Variants in KRI1 observed in about 807,000 individuals in gnomAD.
The protein encoded by KRI1 is KRI1 homolog, also known as protein KRI1 homolog.
KRI1 carries 83 observed loss-of-function variants against 97.0 expected under a neutral mutation model. That is an observed-to-expected ratio of 0.86 (90% CI 0.72 to 1.03). The LOEUF (loss-of-function observed/expected upper bound fraction) is 1.03. Among genes scored for constraint, KRI1 ranks in the 50% least tolerant of loss-of-function variants. The pLI is 0.00. For missense variants in KRI1, 916 were observed against 928.4 expected (o/e 0.99, Z 0.17); for synonymous variants, 371 against 363.5 (o/e 1.02, Z -0.23).
At chr19:10,565,396 C>T in intron 2 of KRI1, 1 of 506,134 alleles carries the variant, frequency 2.0e-6, no homozygotes, top group Non-Finnish European at 3.5e-6. Flanking sequence ...TTGGGCGCCC[C>T]ACGTGGCGCA....
chr19:10,557,682 C>T lies in KRI1; in HGVS notation c.1487G>A (p.Gly496Glu). 6.2e-7 allele frequency: 1 copy of T among 1,614,148 alleles called. No individual in the cohort carries two copies. Among genetic ancestry groups the T allele is most frequent in the Non-Finnish European group, 8.5e-7 (1 of 1,180,004 alleles). The change falls in exon 16 of 19, where the codon GGG becomes GAG. Residue 496 changes from glycine (G) to glutamate (E), a missense_variant and splice_region_variant. By Grantham distance (98) the Gly-to-Glu change is moderately conservative. Coordinates refer to ENST00000312962, the MANE Select transcript of KRI1 (RefSeq NM_023008.5). ...CAGGTACTCCTCGAACGTCTTGTCC[C>T]CTGCTCGAGACAGAGCCAGGCTGCT... is the stretch of plus-strand genomic sequence containing the variant. The part of the protein sequence containing the change: ...VGQEKPVFEP[G>E]DKTFEEYLDE...
rs752161333 is a variant in KRI1 at position 10,555,318 on chromosome 19, C to T, written c.1649G>A (p.Arg550Gln). 28 of 1,612,898 alleles carry T rather than the reference C, an allele frequency of 1.7e-5. No homozygotes were observed. In the Middle Eastern group the frequency reaches 6.6e-4, roughly 38 times the overall value. ...GCAGGTCTTCTTTAGGGAGCACCAC[C>T]GGTTCAGCTCCTTATCGTCAGCAGC... Reference protein sequence around the residue: ...ILAADDKELNRWCSLKKTCMY... With the variant: ...ILAADDKELNQWCSLKKTCMY... The change falls in exon 17 of 19, where the codon CGG becomes CAG. Residue 550 changes from arginine to glutamine, a missense_variant. Around this residue, in one of 3 missense-constraint regions of KRI1, gnomAD observed 672 missense variants for 667.2 expected, o/e 1.01. Coordinates refer to ENST00000312962, the MANE Select transcript of KRI1 (RefSeq NM_023008.5).
At position 10,554,080 on chromosome 19, in the gene KRI1, A is replaced by G. The variant is rs1406836534; in HGVS notation, c.1983T>C (p.Thr661=). 2.5e-6 allele frequency: 4 copies of G among 1,614,044 alleles called. No individual in the cohort carries two copies. The highest frequency in any genetic ancestry group is 2.7e-5 in the African/African-American group (2 of 74,918). Residue 661 remains threonine, a synonymous_variant, in exon 19 of 19, where the codon ACT becomes ACC. Transcript: ENST00000312962. ...TGAACTCGCATCCACCAAGCATCAC[A>G]GTGGGGCCCAGCAGCCGTGCCTTCT... ...RAKKARLLGP[T]VMLGGCEFSR... is the part of the protein sequence containing the mutation.
rs1367400105 is a variant in KRI1 at position 10,557,906 on chromosome 19, G to GC, written c.1360-12dup. ...GTAGTCGGCGTCCATCTGCCAGGAC[G>GC]CACAGGTCAGATCCCACCAGCCCCC... On this transcript the variant is annotated splice_polypyrimidine_tract_variant and intron_variant, in intron 14 of 18. Transcript: ENST00000312962. 1.2e-6 allele frequency: 2 copies of GC among 1,613,356 alleles called. No individual in the cohort carries two copies. The highest frequency in any genetic ancestry group is 1.7e-6 in the Non-Finnish European group (2 of 1,179,872).
In KRI1 at chr19:10,561,419, C is replaced by A. The variant is rs538804539; in HGVS notation, c.489-154G>T. Among the ~76,000 whole-genome samples, 219 of 152,202 alleles carry A rather than the reference C, an allele frequency of 1.4e-3. 1 individual carries two copies. Among genetic ancestry groups the A allele is most frequent in the Non-Finnish European group, 1.0e-3 (68 of 68,026 alleles). ...AAGTGATCCTCCCTCCTCTGCCCAC[C>A]AAAGCCCTGAGATTACAGGCATGAG... is the stretch of plus-strand genomic sequence containing the variant. On this transcript the variant is annotated intron_variant, in intron 6 of 18. Coordinates refer to ENST00000312962, the MANE Select transcript of KRI1 (RefSeq NM_023008.5).
chr19:10,561,911 G>A (rs1383185181), intron 4 of KRI1, 66 bp from the exon 5 acceptor site: 36 of 1,474,904 alleles, frequency 2.4e-5, no homozygotes, highest in South Asian at 4.6e-5. Flanking sequence ...ATGCCCATGC[G>A]GAGCAGCTAT....
intron 1 of KRI1, 28 bp from the exon 2 acceptor site, chr19:10,565,818 C>CT: frequency 6.5e-7 from 1 of 1,550,082 alleles, no homozygotes; most frequent in South Asian, 1.2e-5. Context: ...GATGCCCCCC[C>CT]CCAGGTCAGC....
At chr19:10,562,949 A>C (rs1289462580) in intron 3 of KRI1, 112 bp from the exon 4 acceptor site, 1 of 700,202 alleles carries the variant, frequency 1.4e-6, no homozygotes, top group East Asian at 2.5e-5. Flanking sequence ...TCCCAAATCC[A>C]CCAATTCCCA....
chr19:10,561,346 G>A (rs1916691893), intron 6 of KRI1, 81 bp from the exon 7 acceptor site: 6 of 1,303,390 alleles, frequency 4.6e-6, no homozygotes, highest in Admixed American at 3.7e-5. Flanking sequence ...ATTTTGTAGA[G>A]CTGGGGTCTC....
chr19:10,554,143 G>C lies in KRI1; in HGVS notation c.1920C>G (p.Pro640=). The change falls in exon 19 of 19, where the codon CCC becomes CCG. Residue 640 remains proline, a synonymous_variant. Coordinates refer to ENST00000312962, the MANE Select transcript of KRI1 (RefSeq NM_023008.5). ...PAQEEEAPVS[P]HKKPAPQKRR... is the part of the protein sequence containing the mutation. Reference sequence around the variant, plus strand: ...GCTTCTGGGGGGCTGGCTTCTTGTGGGGTGATACAGGGGCTTCCTCTTCCT... The same window carrying C: ...GCTTCTGGGGGGCTGGCTTCTTGTGCGGTGATACAGGGGCTTCCTCTTCCT... 1 of 1,614,090 alleles carries C rather than the reference G, an allele frequency of 6.2e-7. No individual in the cohort carries two copies. The highest frequency in any genetic ancestry group is 1.1e-5 in the South Asian group (1 of 91,084).
intron 8 of KRI1, 145 bp from the exon 9 acceptor site, chr19:10,560,593 TCTTA>T (rs1736422632): frequency 1.6e-6 from 1 of 621,556 alleles, no homozygotes. Flanking sequence ...CGAGACAGGG[TCTTA>T]CTCTGCCATC....
chr19:10,565,761 T>TGCTG lies in KRI1; in HGVS notation c.120_123dup (p.Ser42GlnfsTer19). ...TCCGACTCGGAGCTGGAGTCGCTGCTGCTGTCTCGGTCCCCGTAGCGATCC... is the reference window on the plus strand; with the variant it reads ...TCCGACTCGGAGCTGGAGTCGCTGCTGCTGGCTGTCTCGGTCCCCGTAGCGATCC... On this transcript the variant is annotated frameshift_variant, in exon 2 of 19. Transcript: ENST00000312962. LOFTEE classifies it high-confidence loss of function. 1 of 1,580,382 alleles carries TGCTG rather than the reference T, an allele frequency of 6.3e-7. No homozygotes were observed. Among genetic ancestry groups the TGCTG allele is most frequent in the Non-Finnish European group, 8.6e-7 (1 of 1,163,988 alleles).
chr19:10,565,842 C>T (rs1340297519), intron 1 of KRI1, 52 bp from the exon 2 acceptor site: 3 of 1,545,144 alleles, frequency 1.9e-6, no homozygotes, highest in African/African-American at 2.8e-5. Context: ...CGGGGCCACT[C>T]GACTCCCCAC....
At chr19:10,565,679 A>G in intron 2 of KRI1, 38 bp downstream of exon 2, 1 of 1,537,560 alleles carries the variant, frequency 6.5e-7, no homozygotes. Context: ...GGGGGCTTGG[A>G]CGCCTCCGCA....
intron 9 of KRI1, 131 bp from the exon 10 acceptor site, chr19:10,560,067 A>G (rs1916646014): frequency 1.6e-6 from 2 of 1,262,322 alleles, no homozygotes; most frequent in African/African-American, 1.5e-5. Context: ...GCACGCTGCT[A>G]TTGTCCTCAT....
At chr19:10,560,873 T>G (rs1916670531) in intron 8 of KRI1, 130 bp downstream of exon 8, 2 of 715,764 alleles carry the variant, frequency 2.8e-6, no homozygotes, top group South Asian at 3.4e-5. Flanking sequence ...CTATCCCCAT[T>G]TAAAGAGATG....
At position 10,554,232 on chromosome 19, in the gene KRI1, C is replaced by T. The variant is rs777568726; in HGVS notation, c.1831G>A (p.Gly611Ser). The T allele has an allele frequency of 8.1e-6, 13 of 1,614,040 alleles. No homozygotes were observed. Among genetic ancestry groups the T allele is most frequent in the South Asian group, 4.4e-5 (4 of 91,086 alleles). ...AGGGCTGGCAGCTGCCTCTGTGGGCCGGCTTCATCTCTCTGTGGCTTCCCT... is the reference window on the plus strand; with the variant it reads ...AGGGCTGGCAGCTGCCTCTGTGGGCTGGCTTCATCTCTCTGTGGCTTCCCT... ...ATGKPQRDEA[G>S]PQRQLPALDG... The change falls in exon 19 of 19, where the codon GGC becomes AGC. Residue 611 changes from glycine to serine, a missense_variant. Coordinates refer to ENST00000312962, the MANE Select transcript of KRI1 (RefSeq NM_023008.5).
rs781498495 is a variant in KRI1, at chr19:10,559,641, C to G, written c.995G>C (p.Arg332Thr). ...RRKDERRKEKREETRERKKRE... is the reference protein window; with the variant it reads ...RRKDERRKEKTEETRERKKRE... ...CTTCTTTCGCTCCCGAGTCTCTTCC[C>G]TCTTCTCCTTTCTGCGCTCATCCTT... The change falls in exon 11 of 19, where the codon AGG (arginine) becomes ACG (threonine). Residue 332 changes from arginine to threonine, a missense_variant. This residue lies in a region of KRI1 where 672 missense variants were observed against 667.2 expected (regional missense o/e 1.01). Coordinates refer to ENST00000312962, the MANE Select transcript of KRI1 (RefSeq NM_023008.5). 19 of 1,614,092 alleles carry G rather than the reference C, an allele frequency of 1.2e-5. No individual in the cohort carries two copies. Among genetic ancestry groups the G allele is most frequent in the Non-Finnish European group, 1.5e-5 (18 of 1,180,026 alleles).
At chr19:10,559,559 A>G (rs1408945792) in intron 11 of KRI1, 30 bp from the exon 12 acceptor site, 12 of 1,613,754 alleles carry the variant, frequency 7.4e-6, no homozygotes, top group East Asian at 2.2e-5. Flanking sequence ...GGGGGAGGGC[A>G]TGGGCTTTCC....
Sources: allele counts gnomAD v4.1 joint callset (sites outside exome capture counted in the v4.1 genomes callset), GRCh38; gene constraint gnomAD v4.1.1; regional missense constraint gnomAD v4.1.1; transcripts MANE v1.5; gene names NCBI Gene and HGNC (gene_info 2026-07-23, HGNC 2026-07-21).